Variants in PARD3 observed in about 807,000 individuals in gnomAD.
The protein encoded by PARD3 is par-3 family cell polarity regulator, also known as partitioning defective 3 homolog.
In PARD3, 75 loss-of-function variants were observed where a neutral mutation model predicts 155.4. That is an observed-to-expected ratio of 0.48 (90% CI 0.40 to 0.58). The LOEUF (loss-of-function observed/expected upper bound fraction) is 0.58, where lower values mean the gene tolerates loss of function less well. Ranked by LOEUF, PARD3 falls within the 20% of genes least tolerant of loss-of-function variation. The pLI, the probability that PARD3 is intolerant of heterozygous loss-of-function variation, is 0.00. For missense variants in PARD3, 1,642 were observed against 1,721.7 expected (o/e 0.95, Z 0.82); for synonymous variants, 576 against 610.5 (o/e 0.94, Z 0.83).
intron 2 of PARD3, among the ~76,000 whole-genome samples, chr10:34,535,042 T>C (rs1296663107): frequency 6.6e-6 from 1 of 152,178 alleles, no homozygotes; most frequent in African/African-American, 2.4e-5. Flanking sequence ...TTGTCTATTT[T>C]GCAGACAAAT....
intron 2 of PARD3, among the ~76,000 whole-genome samples, chr10:34,543,145 A>G (rs1253527392): frequency 6.6e-6 from 1 of 151,848 alleles, no homozygotes; most frequent in Non-Finnish European, 1.5e-5. Flanking sequence ...TTAGCCAGAC[A>G]TCAGGGTCCC....
At chr10:34,352,399 G>A (rs140200662) in intron 14 of PARD3, among the ~76,000 whole-genome samples, 10,259 of 152,172 alleles carry the variant, frequency 0.067, 466 homozygotes, top group Non-Finnish European at 0.096. Context: ...ATGCCGAGCC[G>A]AGGCTGGACT....
intron 1 of PARD3, among the ~76,000 whole-genome samples, chr10:34,750,494 CA>C (rs1390288760): frequency 6.8e-6 from 1 of 147,758 alleles, no homozygotes; most frequent in Non-Finnish European, 1.5e-5. Context: ...CACACACACA[CA>C]CACACACACA....
intron 2 of PARD3, among the ~76,000 whole-genome samples, chr10:34,574,091 G>A (rs1368345254): frequency 6.6e-6 from 1 of 151,580 alleles, no homozygotes. Context: ...TAAGAATTCA[G>A]GTACTTTCTT....
intron 4 of PARD3, among the ~76,000 whole-genome samples, chr10:34,456,931 A>C (rs553736778): frequency 6.6e-6 from 1 of 152,302 alleles, no homozygotes; most frequent in East Asian, 1.9e-4. Flanking sequence ...AATATGCCAA[A>C]AAATTTTCAC....
At chr10:34,657,339 C>T (rs1005041890) in intron 2 of PARD3, among the ~76,000 whole-genome samples, 1 of 151,988 alleles carries the variant, frequency 6.6e-6, no homozygotes, top group Non-Finnish European at 1.5e-5. Context: ...GGAACTGAGA[C>T]AATGATGTTT....
At chr10:34,280,266 AAAAT>A (rs2133912460) in intron 21 of PARD3, among the ~76,000 whole-genome samples, 1 of 152,362 alleles carries the variant, frequency 6.6e-6, no homozygotes, top group Non-Finnish European at 1.5e-5. Context: ...ATAAAAATGC[AAAAT>A]AAATAAAAAT....
intron 3 of PARD3, among the ~76,000 whole-genome samples, chr10:34,516,279 C>A (rs1190029387): frequency 6.6e-6 from 1 of 152,156 alleles, no homozygotes; most frequent in Non-Finnish European, 1.5e-5. Flanking sequence ...AATCTTTTAA[C>A]CTTACACATT....
At chr10:34,335,637 T>C (rs1176797174) in intron 18 of PARD3, among the ~76,000 whole-genome samples, 2 of 152,090 alleles carry the variant, frequency 1.3e-5, no homozygotes, top group African/African-American at 4.8e-5. Context: ...AGTTAAGATA[T>C]GAAGCCATAT....
At chr10:34,796,308 C>T (rs559612548) in intron 1 of PARD3, among the ~76,000 whole-genome samples, 3 of 152,196 alleles carry the variant, frequency 2.0e-5, no homozygotes, top group Admixed American at 1.3e-4. Context: ...ATGCAAGTAA[C>T]CCCAAGTGGC....
intron 2 of PARD3, among the ~76,000 whole-genome samples, chr10:34,650,699 A>G (rs2092983233): frequency 1.3e-5 from 2 of 152,196 alleles, no homozygotes; most frequent in South Asian, 4.1e-4. Flanking sequence ...CTAAAATGAA[A>G]AACCAAAAAG....
At chr10:34,658,331 G>A (rs938197540) in intron 2 of PARD3, among the ~76,000 whole-genome samples, 1 of 152,074 alleles carries the variant, frequency 6.6e-6, no homozygotes, top group Non-Finnish European at 1.5e-5. Flanking sequence ...TTTAATAAAT[G>A]CCAAAAATAA....
chr10:34,158,014 C>T (rs532205304), intron 22 of PARD3, among the ~76,000 whole-genome samples: 2 of 152,206 alleles, frequency 1.3e-5, no homozygotes, highest in Non-Finnish European at 2.9e-5. Flanking sequence ...CTATTTCCAA[C>T]ATACTCAAAC....
At chr10:34,389,830 AT>A (rs908880703) in intron 7 of PARD3, among the ~76,000 whole-genome samples, 45 of 150,746 alleles carry the variant, frequency 3.0e-4, no homozygotes, top group African/African-American at 6.1e-4. Context: ...TTAAATCTTA[AT>A]TTTTTTTTTA....
At chr10:34,698,982 G>A (rs1017501052) in intron 1 of PARD3, among the ~76,000 whole-genome samples, 1 of 152,074 alleles carries the variant, frequency 6.6e-6, no homozygotes, top group African/African-American at 2.4e-5. Context: ...CAGCCTCCAC[G>A]ATGCTTAACA....
intron 5 of PARD3, among the ~76,000 whole-genome samples, chr10:34,439,956 A>G (rs1222423677): frequency 6.6e-6 from 1 of 152,174 alleles, no homozygotes; most frequent in Non-Finnish European, 1.5e-5. Flanking sequence ...CATGGCTCAT[A>G]TATCTACAGA....
At chr10:34,121,586 C>T (rs1246447073) in intron 23 of PARD3, among the ~76,000 whole-genome samples, 3 of 152,192 alleles carry the variant, frequency 2.0e-5, no homozygotes, top group Non-Finnish European at 4.4e-5. Flanking sequence ...AGAATGGCTC[C>T]TATGGTTGGC....
intron 22 of PARD3, among the ~76,000 whole-genome samples, chr10:34,143,655 A>G (rs1429505240): frequency 1.3e-5 from 2 of 152,168 alleles, no homozygotes; most frequent in Non-Finnish European, 2.9e-5. Flanking sequence ...ATAATTCTAA[A>G]TCATGGCTAA....
chr10:34,677,873 A>C (rs1564495156), intron 2 of PARD3, among the ~76,000 whole-genome samples: 1 of 152,102 alleles, frequency 6.6e-6, no homozygotes, highest in Non-Finnish European at 1.5e-5. Context: ...GTGCAGGGTA[A>C]TCTTTACTTT....
Sources: gnomAD v4.1 joint callset for allele counts (sites outside exome capture counted in the v4.1 genomes callset) on GRCh38, gnomAD v4.1.1 for gene constraint, MANE v1.5 for transcripts, NCBI Gene and HGNC (gene_info 2026-07-23, HGNC 2026-07-21) for gene names.